CEP104: variants seen among roughly 807,000 people sequenced by gnomAD.
CEP104 encodes the protein centrosomal protein of 104 kDa.
A neutral mutation model predicts 113.3 loss-of-function variants in CEP104; 84 were observed. The observed-to-expected ratio is 0.74, with a 90% CI of 0.62 to 0.89. CEP104 has a LOEUF of 0.89. CEP104 is among the 40% of genes least tolerant of loss of function. The probability of loss-of-function intolerance (pLI) is 0.00; values close to 1 mark genes in which losing one functional copy is unlikely to be tolerated. For missense variants in CEP104, 1,053 were observed against 1,156.6 expected, an observed-to-expected ratio of 0.91 and a Z score of 1.30; for synonymous variants, 378 against 421.7, an observed-to-expected ratio of 0.90 and a Z score of 1.27.
chr1:3,854,034 C>G (rs1039793655), intron 1 of CEP104, among the ~76,000 whole-genome samples: 1 of 152,240 alleles, frequency 6.6e-6, no homozygotes, highest in Non-Finnish European at 1.5e-5. Context: ...CAGAAACGCA[C>G]AGCCCATGGC....
intron 15 of CEP104, among the ~76,000 whole-genome samples, chr1:3,827,418 C>A (rs1273132348): frequency 6.6e-6 from 1 of 152,014 alleles, no homozygotes; most frequent in Non-Finnish European, 1.5e-5. Flanking sequence ...TGAGGTCTCA[C>A]TATGTTGCCC....
chr1:3,822,968 A>G, intron 20 of CEP104: 1 of 599,144 alleles, frequency 1.7e-6, no homozygotes, highest in East Asian at 2.7e-5. Context: ...TAAACCATTC[A>G]TAAATGTACG....
rs1643925871 is a variant in CEP104 at position 3,819,234 on chromosome 1, G to A, written c.2572-2864C>T. ...AAGACACAAAGGCCGCATAGTGTCT[G>A]ATTCCATTTACAGGAAATGTCCACA... is the stretch of plus-strand genomic sequence containing the variant. On this transcript the variant is annotated intron_variant, in intron 20 of 21. Transcript: ENST00000378230. The surrounding 1 kb of genome is among the most constrained non-coding windows in gnomAD (Gnocchi z 4.6). Among the ~76,000 whole-genome samples, 1 of 152,210 alleles carries A rather than the reference G, an allele frequency of 6.6e-6. No homozygotes were observed. Among genetic ancestry groups the A allele is most frequent in the Admixed American group, 6.5e-5 (1 of 15,278 alleles).
chr1:3,847,690 A>G, intron 3 of CEP104, 77 bp from the exon 4 acceptor site: 1 of 1,423,882 alleles, frequency 7.0e-7, no homozygotes, highest in Non-Finnish European at 9.9e-7. Flanking sequence ...ATTGAACTCA[A>G]TAGGCTCATT....
In CEP104 at chr1:3,829,692, T is replaced by C. The variant is rs1446672008; in HGVS notation, c.2043+99A>G. 4 of 1,276,208 alleles carry C rather than the reference T, an allele frequency of 3.1e-6. No homozygotes were observed. In the African/African-American group the frequency reaches 5.9e-5, roughly 19 times the overall value. The allele number at this position is 1,276,208 out of a possible 1,614,324, so 79.1% of individuals were successfully genotyped here. A position where few individuals can be genotyped will look rare whatever the true frequency, so the allele number is the denominator to read the frequency against. ...AGGACGCCGGGGCTTCCCATACATG[T>C]GGCTCCTTCAAATGACATATTTACT... On this transcript the variant is annotated intron_variant, in intron 14 of 21. Transcript: ENST00000378230.
At chr1:3,816,443 A>G in intron 20 of CEP104, 73 bp from the exon 21 acceptor site, 1 of 1,270,604 alleles carries the variant, frequency 7.9e-7, no homozygotes, top group Non-Finnish European at 1.1e-6. Context: ...ACCCAAAAGG[A>G]CTCGCTGTGT....
At chr1:3,838,431 G>C (rs189796659) in intron 8 of CEP104, among the ~76,000 whole-genome samples, 1 of 152,258 alleles carries the variant, frequency 6.6e-6, no homozygotes, top group East Asian at 1.9e-4. Flanking sequence ...GATTACAGGC[G>C]TGAGCCACCA....
intron 20 of CEP104, 200 bp downstream of exon 20, chr1:3,822,974 G>A: frequency 1.6e-6 from 1 of 611,996 alleles, no homozygotes. Context: ...ATTCATAAAT[G>A]TACGGAAGGA....
In CEP104 at chr1:3,839,829, G is replaced by T. The variant is rs1644382365; in HGVS notation, c.567-53C>A. ...GATAATTTCACGCCCTAGGAGTTCA[G>T]TGCTGAAGATGCACGGTTGAGAAGA... On this transcript the variant is annotated intron_variant, in intron 6 of 21. Transcript: ENST00000378230. The T allele has an allele frequency of 1.6e-5, 23 of 1,463,398 alleles. No individual in the cohort carries two copies. The South Asian group carries it at 2.8e-4, about 18-fold the overall frequency. The allele number at this position is 1,463,398 out of a possible 1,614,324, so 90.7% of individuals were successfully genotyped here.
At position 3,845,346 on chromosome 1, in the gene CEP104, A is replaced by G; in HGVS notation, c.432T>C (p.Ala144=). ...VNKYNIYNQV[A]LVAINIIGDP... is the part of the protein sequence containing the mutation. ...CTCCAATGATATTTATGGCAACCAAAGCAACCTAAGAAAGTGTTAAAATAA... is the reference window on the plus strand; with the variant it reads ...CTCCAATGATATTTATGGCAACCAAGGCAACCTAAGAAAGTGTTAAAATAA... The change falls in exon 5 of 22, where the codon GCT becomes GCC. Residue 144 remains alanine (A), a synonymous_variant. Transcript: ENST00000378230. The G allele has an allele frequency of 6.3e-7, 1 of 1,598,792 alleles. No homozygotes were observed. The highest frequency in any genetic ancestry group is 8.6e-7 in the Non-Finnish European group (1 of 1,167,004).
In CEP104 at chr1:3,853,400, C is replaced by T. The variant is rs564589906; in HGVS notation, c.-14-979G>A. 6.5e-3 allele frequency among the ~76,000 whole-genome samples: 905 copies of T among 140,130 alleles called. 10 individuals carry two copies. Among genetic ancestry groups the T allele is most frequent in the African/African-American group, 0.021 (839 of 39,274 alleles). The allele number at this position is 140,130 out of a possible 152,430, so 91.9% of individuals were successfully genotyped here. On this transcript the variant is annotated intron_variant, in intron 1 of 21. Coordinates refer to ENST00000378230, the MANE Select transcript of CEP104 (RefSeq NM_014704.4). ...CCAATTTGGGTTAGGTCTAAATCAT[C>T]GGGGGAAAAAAAAAAAGGCTCCTCA...
chr1:3,829,735 A>C (rs779162465), intron 14 of CEP104, 56 bp downstream of exon 14: 3 of 1,532,224 alleles, frequency 2.0e-6, no homozygotes, highest in Non-Finnish European at 2.7e-6. Context: ...GTACCGAGTA[A>C]CTGAGTAACT....
rs1316704351 is a variant in CEP104 at position 3,834,999 on chromosome 1, T to C, written c.1411A>G (p.Lys471Glu). The change falls in exon 11 of 22, where the codon AAA becomes GAA. Residue 471 changes from lysine (K) to glutamate (E), a missense_variant. By Grantham distance (56) the Lys-to-Glu change is moderately conservative. Coordinates refer to ENST00000378230, the MANE Select transcript of CEP104 (RefSeq NM_014704.4). Reference protein sequence around the residue: ...KLMEMPVGTPKEDLKNTLRAS... With the variant: ...KLMEMPVGTPEEDLKNTLRAS... Reference sequence around the variant, plus strand: ...CTCAGTGTGTTCTTTAAATCTTCTTTTGGGGTTCCAACAGGCATTTCCATT... The same window carrying C: ...CTCAGTGTGTTCTTTAAATCTTCTTCTGGGGTTCCAACAGGCATTTCCATT... The C allele has an allele frequency of 1.9e-6, 3 of 1,613,770 alleles. No homozygotes were observed. Among genetic ancestry groups the C allele is most frequent in the Non-Finnish European group, 2.5e-6 (3 of 1,179,916 alleles).
chr1:3,851,996 C>G (rs1292625516), intron 2 of CEP104, among the ~76,000 whole-genome samples: 1 of 152,090 alleles, frequency 6.6e-6, no homozygotes, highest in Non-Finnish European at 1.5e-5. Flanking sequence ...AATGTGCAGC[C>G]CAGCGTGTGA....
At chr1:3,843,153 CT>C in intron 6 of CEP104, 2 of 675,174 alleles carry the variant, frequency 3.0e-6, no homozygotes, top group South Asian at 1.6e-5. Flanking sequence ...CCCTTCTTTC[CT>C]TTAGACCAGG....
At chr1:3,855,174 ATTT>A (rs35424750) in intron 1 of CEP104, among the ~76,000 whole-genome samples, 3,850 of 121,264 alleles carry the variant, frequency 0.032, 123 homozygotes, top group East Asian at 0.1. Context: ...CCCAGCCCCG[ATTT>A]TTTTTTTTTT....
intron 20 of CEP104, 163 bp from the exon 21 acceptor site, chr1:3,816,533 G>A (rs915657510): frequency 6.7e-6 from 4 of 595,762 alleles, no homozygotes; most frequent in Non-Finnish European, 1.2e-5. Context: ...CTTCGGATAT[G>A]TTATGATAGC....
At chr1:3,849,450 T>TG (rs1644571138) in intron 2 of CEP104, among the ~76,000 whole-genome samples, 1 of 152,104 alleles carries the variant, frequency 6.6e-6, no homozygotes, top group Non-Finnish European at 1.5e-5. Flanking sequence ...AGGCTGGTCT[T>TG]GAACTCCTGG....
intron 2 of CEP104, among the ~76,000 whole-genome samples, chr1:3,849,374 T>C (rs1175716685): frequency 6.6e-6 from 1 of 151,380 alleles, no homozygotes; most frequent in Non-Finnish European, 1.5e-5. Context: ...GTGACCCTCC[T>C]ACCTCAGCCT....
Sources: allele counts gnomAD v4.1 joint callset (sites outside exome capture counted in the v4.1 genomes callset), GRCh38; gene constraint gnomAD v4.1.1; non-coding constraint Gnocchi (gnomAD v3.1); transcripts MANE v1.5; gene names NCBI Gene and HGNC (gene_info 2026-07-23, HGNC 2026-07-21).